ITPR1: variants seen among roughly 807,000 people sequenced by gnomAD.
ITPR1 encodes inositol 1,4,5-trisphosphate-gated calcium channel ITPR1.
In ITPR1, 96 loss-of-function variants were observed where a neutral mutation model predicts 318.4. The ratio of observed to expected loss-of-function variants is 0.30; its 90% CI spans 0.26 to 0.36. The LOEUF (loss-of-function observed/expected upper bound fraction) is 0.36, where lower values mean the gene tolerates loss of function less well. ITPR1 is among the 10% of genes least tolerant of loss of function. The probability of loss-of-function intolerance (pLI) is 1.00; values close to 1 mark genes in which losing one functional copy is unlikely to be tolerated. For missense variants in ITPR1, 2,440 were observed against 3,460.2 expected, an observed-to-expected ratio of 0.71 and a Z score of 7.40; for synonymous variants, 1,312 against 1,289.9, an observed-to-expected ratio of 1.02 and a Z score of -0.37.
rs144178989 is a variant in ITPR1 at position 4,775,409 on chromosome 3, C to A, written c.6147C>A (p.Thr2049=). Reference sequence around the variant, plus strand: ...TCAACCAAACCCTGGAAAGTCTGACCGAATACTGTCAAGGACCTTGCCATG... The same window carrying A: ...TCAACCAAACCCTGGAAAGTCTGACAGAATACTGTCAAGGACCTTGCCATG... ...ALINQTLESL[T]EYCQGPCHEN... Residue 2049 remains threonine (T), a synonymous_variant, in exon 47 of 62, where the codon ACC becomes ACA. Transcript: ENST00000649015. The A allele has an allele frequency of 1.9e-6, 3 of 1,613,678 alleles. No individual in the cohort carries two copies. Among genetic ancestry groups the A allele is most frequent in the Admixed American group, 3.3e-5 (2 of 60,010 alleles).
chr3:4,709,148 T>C (rs957508899), intron 37 of ITPR1, among the ~76,000 whole-genome samples: 2 of 152,172 alleles, frequency 1.3e-5, no homozygotes, highest in Admixed American at 6.5e-5. Flanking sequence ...AGGGATGCTA[T>C]GGGGGGAACT....
intron 4 of ITPR1, among the ~76,000 whole-genome samples, chr3:4,608,226 C>T (rs2091840133): frequency 6.6e-6 from 1 of 152,126 alleles, no homozygotes; most frequent in African/African-American, 2.4e-5. Flanking sequence ...TGATTTACTC[C>T]AGAATCCTCT....
rs1250901940 is a variant in ITPR1 at position 4,826,947 on chromosome 3, CTG to C, written c.8028+8708_8028+8709del. Among the ~76,000 whole-genome samples, 1 of 152,198 alleles carries C rather than the reference CTG, an allele frequency of 6.6e-6. No homozygotes were observed. Among genetic ancestry groups the C allele is most frequent in the Non-Finnish European group, 1.5e-5 (1 of 68,038 alleles). On this transcript the variant is annotated intron_variant, in intron 60 of 61. Coordinates refer to ENST00000649015, the MANE Select transcript of ITPR1 (RefSeq NM_001378452.1). The surrounding 1 kb of genome is among the most constrained non-coding windows in gnomAD (Gnocchi z 4.2). ...ATACCCAGGAGTCTAGTCTGTGAGA[CTG>C]TGCAGGACATGAGGGTTATGCACAG...
intron 17 of ITPR1, among the ~76,000 whole-genome samples, chr3:4,666,749 A>T (rs1219333176): frequency 1.3e-5 from 2 of 152,202 alleles, no homozygotes; most frequent in Admixed American, 1.3e-4. Context: ...ACAGAAACAA[A>T]CAGGTATTTG....
At chr3:4,613,376 C>G (rs1471145785) in intron 4 of ITPR1, among the ~76,000 whole-genome samples, 2 of 152,168 alleles carry the variant, frequency 1.3e-5, no homozygotes, top group Non-Finnish European at 2.9e-5. Context: ...CTGGATTGCC[C>G]TAAGCAGTTC....
intron 51 of ITPR1, among the ~76,000 whole-genome samples, 164 bp from the exon 52 acceptor site, chr3:4,787,783 G>T (rs2047299194): frequency 6.6e-6 from 1 of 151,960 alleles, no homozygotes; most frequent in African/African-American, 2.4e-5. Context: ...AGTTACCCAA[G>T]CTATTTTTTA....
At chr3:4,652,728 T>G (rs559355632) in intron 11 of ITPR1, among the ~76,000 whole-genome samples, 28 of 152,282 alleles carry the variant, frequency 1.8e-4, no homozygotes, top group African/African-American at 6.5e-4. Context: ...ACCTTAAATG[T>G]CTGTGAAGGG....
rs529330008 is a variant in ITPR1 at position 4,805,951 on chromosome 3, G to A, written c.7108-152G>A. On this transcript the variant is annotated intron_variant, in intron 54 of 61. Coordinates refer to ENST00000649015, the MANE Select transcript of ITPR1 (RefSeq NM_001378452.1). ...AATGAAATGACTTAGATCTGCAAAT[G>A]GGTCTTGGCGGGTTTGGTGGGCACC... is the stretch of plus-strand genomic sequence containing the variant. Among the ~76,000 whole-genome samples, 3 of 152,338 alleles carry A rather than the reference G, an allele frequency of 2.0e-5. No individual in the cohort carries two copies. In the East Asian group the frequency reaches 5.8e-4, roughly 29 times the overall value.
At chr3:4,512,310 T>C (rs1383970937) in intron 2 of ITPR1, among the ~76,000 whole-genome samples, 1 of 152,158 alleles carries the variant, frequency 6.6e-6, no homozygotes, top group Non-Finnish European at 1.5e-5. Flanking sequence ...AAGAATAGGC[T>C]CTATTGCCCA....
At chr3:4,757,615 A>C (rs1469698984) in intron 44 of ITPR1, among the ~76,000 whole-genome samples, 3 of 152,122 alleles carry the variant, frequency 2.0e-5, no homozygotes, top group African/African-American at 7.2e-5. Context: ...CAGGGCACTT[A>C]TTAGGTGGAT....
intron 4 of ITPR1, among the ~76,000 whole-genome samples, chr3:4,581,020 A>C (rs967811900): frequency 6.6e-6 from 1 of 152,160 alleles, no homozygotes; most frequent in Non-Finnish European, 1.5e-5. Context: ...AATTGTGTTG[A>C]CCTGGGATAT....
intron 39 of ITPR1, among the ~76,000 whole-genome samples, chr3:4,713,805 G>A (rs2041559937): frequency 6.6e-6 from 1 of 152,184 alleles, no homozygotes; most frequent in African/African-American, 2.4e-5. Flanking sequence ...GAGAGGCTTG[G>A]AGAAGAGATG....
intron 44 of ITPR1, among the ~76,000 whole-genome samples, chr3:4,757,030 C>A (rs769237389): frequency 3.3e-5 from 5 of 152,164 alleles, no homozygotes; most frequent in African/African-American, 9.7e-5. Flanking sequence ...GTGGTAAGAC[C>A]CTCATTTTTT....
intron 4 of ITPR1, among the ~76,000 whole-genome samples, chr3:4,540,576 G>T (rs1408431121): frequency 6.6e-6 from 1 of 152,066 alleles, no homozygotes; most frequent in Non-Finnish European, 1.5e-5. Flanking sequence ...TTGTGTGTGT[G>T]TGTATGTGTG....
At chr3:4,707,288 A>G (rs1200397044) in intron 37 of ITPR1, among the ~76,000 whole-genome samples, 1 of 152,152 alleles carries the variant, frequency 6.6e-6, no homozygotes, top group East Asian at 1.9e-4. Flanking sequence ...TCTTGCTTAG[A>G]GTCTTTCATG....
chr3:4,725,138 A>T (rs2042416459), intron 40 of ITPR1, among the ~76,000 whole-genome samples: 1 of 151,704 alleles, frequency 6.6e-6, no homozygotes, highest in Non-Finnish European at 1.5e-5. Context: ...CCCTGCTTTC[A>T]TCACTACCCC....
intron 5 of ITPR1, among the ~76,000 whole-genome samples, chr3:4,636,517 T>C (rs1467655413): frequency 6.6e-6 from 1 of 152,036 alleles, no homozygotes; most frequent in African/African-American, 2.4e-5. Context: ...CAACCTCCGC[T>C]TCCCGGGTTC....
At chr3:4,711,655 A>G (rs746429703) in intron 38 of ITPR1, 102 bp from the exon 39 acceptor site, 2 of 700,018 alleles carry the variant, frequency 2.9e-6, no homozygotes, top group Non-Finnish European at 2.6e-6. Flanking sequence ...CTCTTAATAA[A>G]TATTTGTTCA....
chr3:4,541,445 T>A (rs78487701), intron 4 of ITPR1, among the ~76,000 whole-genome samples: 1 of 151,566 alleles, frequency 6.6e-6, no homozygotes, highest in African/African-American at 2.4e-5. Flanking sequence ...TTGCTCAGTA[T>A]TTTTTTTTCC....
Sources: allele counts gnomAD v4.1 joint callset (sites outside exome capture counted in the v4.1 genomes callset), GRCh38; gene constraint gnomAD v4.1.1; non-coding constraint Gnocchi (gnomAD v3.1); transcripts MANE v1.5; gene names NCBI Gene and HGNC (gene_info 2026-07-23, HGNC 2026-07-21).